CD38: variants seen among roughly 807,000 people sequenced by gnomAD.
CD38 encodes the protein ADP-ribosyl cyclase/cyclic ADP-ribose hydrolase 1.
A neutral mutation model predicts 36.3 loss-of-function variants in CD38; 31 were observed. That is an observed-to-expected ratio of 0.85 (90% CI 0.64 to 1.15). CD38 has a LOEUF of 1.15. Ranked by LOEUF, CD38 falls within the 50% of genes most tolerant of loss-of-function variation. The pLI is 0.00. For synonymous variants in CD38, 131 were observed against 135.2 expected (o/e 0.97, Z 0.22); for missense variants, 380 against 371.9 (o/e 1.02, Z -0.18).
intron 5 of CD38, among the ~76,000 whole-genome samples, chr4:15,839,415 C>CTTTTT (rs560134404): frequency 3.1e-4 from 27 of 88,066 alleles, no homozygotes; most frequent in African/African-American, 6.5e-4. Context: ...TTCTACATTT[C>CTTTTT]TTTTTTTTTT....
intron 2 of CD38, among the ~76,000 whole-genome samples, chr4:15,820,474 A>C (rs888792348): frequency 2.0e-4 from 30 of 152,222 alleles, no homozygotes; most frequent in African/African-American, 7.0e-4. Context: ...ACATAGGCTC[A>C]AAATAAGGGA....
Position 15,778,412 on chromosome 4 carries a change from C to T in CD38, c.-3C>T, listed in dbSNP as rs1286449713. ...TCGCCCAGCCAACCCCGCCTGGAGC[C>T]CTATGGCCAACTGCGAGTTCAGCCC... On this transcript the variant is annotated 5_prime_UTR_variant, in exon 1 of 8. Transcript: ENST00000226279. This position sits in a 1 kb window ranked among gnomAD's most constrained non-coding sequence, Gnocchi z 4.9. 1 of 1,611,642 alleles carries T rather than the reference C, an allele frequency of 6.2e-7. No homozygotes were observed. The highest frequency in any genetic ancestry group is 2.2e-5 in the East Asian group (1 of 44,838).
Position 15,852,831 on chromosome 4 carries a change from A to G in CD38, c.*4229A>G. 1.6e-5 allele frequency: 1 copy of G among 61,482 alleles called. No individual in the cohort carries two copies. Among genetic ancestry groups the G allele is most frequent in the Non-Finnish European group, 3.3e-5 (1 of 30,260 alleles). 3.8% of individuals were successfully genotyped at this position (61,482 alleles called of 1,614,324 possible). ...ATTCTTTTTTTTTTTTTTTTTTGGG[A>G]GACGGAGTCTCGCTGTCGCCCAGGC... On this transcript the variant is annotated 3_prime_UTR_variant, in exon 8 of 8. Coordinates refer to ENST00000226279, the MANE Select transcript of CD38 (RefSeq NM_001775.4).
chr4:15,838,758 C>T (rs1262713770), intron 5 of CD38, among the ~76,000 whole-genome samples: 4 of 152,156 alleles, frequency 2.6e-5, no homozygotes. Flanking sequence ...TGACCTCAGG[C>T]AGGGCAGTCA....
chr4:15,834,889 T>G (rs1724033059), intron 4 of CD38, among the ~76,000 whole-genome samples: 1 of 151,258 alleles, frequency 6.6e-6, no homozygotes, highest in South Asian at 2.1e-4. Context: ...CTCCACCCTC[T>G]ACCTATTTTT....
intron 1 of CD38, among the ~76,000 whole-genome samples, chr4:15,780,554 AC>A (rs1722674933): frequency 6.6e-6 from 1 of 150,656 alleles, no homozygotes; most frequent in Non-Finnish European, 1.5e-5. Flanking sequence ...ACACACACAC[AC>A]ACACACACAC....
At chr4:15,838,372 C>G (rs1200248834) in intron 5 of CD38, among the ~76,000 whole-genome samples, 1 of 152,078 alleles carries the variant, frequency 6.6e-6, no homozygotes, top group Non-Finnish European at 1.5e-5. Context: ...AATTGTCTAC[C>G]AGGTTCTAAT....
At chr4:15,787,459 G>A (rs1261862049) in intron 1 of CD38, among the ~76,000 whole-genome samples, 1 of 152,220 alleles carries the variant, frequency 6.6e-6, no homozygotes, top group East Asian at 1.9e-4. Flanking sequence ...GCTATTTAAT[G>A]TTGAGCCCTC....
intron 2 of CD38, among the ~76,000 whole-genome samples, chr4:15,823,922 G>C (rs557583205): frequency 6.6e-6 from 1 of 152,252 alleles, no homozygotes; most frequent in South Asian, 2.1e-4. Context: ...TCAGTGATAG[G>C]CTGGATAAAG....
rs774746433 is a variant in CD38 at position 15,851,609 on chromosome 4, T to C, written c.*3007T>C. Reference sequence around the variant, plus strand: ...AGTCCTTTGATTTCAGACTGAATACTTGAAAGGACACACACACACATACGT... The same window carrying C: ...AGTCCTTTGATTTCAGACTGAATACCTGAAAGGACACACACACACATACGT... On this transcript the variant is annotated 3_prime_UTR_variant, in exon 8 of 8. Transcript: ENST00000226279. 6.6e-6 allele frequency: 1 copy of C among 152,170 alleles called. No individual in the cohort carries two copies. Among genetic ancestry groups the C allele is most frequent in the Non-Finnish European group, 1.5e-5 (1 of 68,020 alleles). 9.4% of individuals were successfully genotyped at this position (152,170 alleles called of 1,614,324 possible). A position where few individuals can be genotyped will look rare whatever the true frequency, so the allele number is the denominator to read the frequency against.
chr4:15,780,822 A>G (rs2148912377), intron 1 of CD38, among the ~76,000 whole-genome samples: 1 of 152,302 alleles, frequency 6.6e-6, no homozygotes, highest in East Asian at 1.9e-4. Flanking sequence ...AAAAGAAGTG[A>G]GTTGGGCCAG....
rs1316800434 is a variant in CD38, at chr4:15,778,572, C to A, written c.158C>A (p.Pro53Gln). The A allele has an allele frequency of 1.4e-5, 22 of 1,613,446 alleles. No homozygotes were observed. Among genetic ancestry groups the A allele is most frequent in the Non-Finnish European group, 1.9e-5 (22 of 1,180,002 alleles). The change falls in exon 1 of 8, where the codon CCG (proline) becomes CAG (glutamine). Residue 53 changes from proline to glutamine, a missense_variant. By Grantham distance (76) the Pro-to-Gln change is moderately conservative (BLOSUM62 -1). Coordinates refer to ENST00000226279, the MANE Select transcript of CD38 (RefSeq NM_001775.4). The surrounding 1 kb of genome is among the most constrained non-coding windows in gnomAD (Gnocchi z 4.9). ...AGGTGGCGCCAGCAGTGGAGCGGTC[C>A]GGGCACCACCAAGCGCTTTCCCGAG... The part of the protein sequence containing the change: ...VPRWRQQWSG[P>Q]GTTKRFPETV...
intron 1 of CD38, among the ~76,000 whole-genome samples, chr4:15,800,285 C>T (rs916073273): frequency 6.6e-5 from 10 of 152,206 alleles, no homozygotes; most frequent in African/African-American, 2.4e-4. Context: ...TTAATTCTTA[C>T]ACATACTGTT....
chr4:15,795,539 A>G (rs1723088522), intron 1 of CD38, among the ~76,000 whole-genome samples: 1 of 152,158 alleles, frequency 6.6e-6, no homozygotes, highest in Non-Finnish European at 1.5e-5. Flanking sequence ...ATACAAAAAT[A>G]TAGAAAAGAA....
Position 15,849,248 on chromosome 4 carries a change from A to C in CD38, c.*646A>C, listed in dbSNP as rs1724335148. 6.6e-6 allele frequency: 1 copy of C among 152,204 alleles called. No individual in the cohort carries two copies. The highest frequency in any genetic ancestry group is 2.4e-5 in the African/African-American group (1 of 41,456). The allele number at this position is 152,204 out of a possible 1,614,324, so 9.4% of individuals were successfully genotyped here. On this transcript the variant is annotated 3_prime_UTR_variant, in exon 8 of 8. Transcript: ENST00000226279. Reference sequence around the variant, plus strand: ...TTAAGTTGGTGCAAAAGTAATTGCAAGTTTTGCCACCGAAAGGAATGGCAA... The same window carrying C: ...TTAAGTTGGTGCAAAAGTAATTGCACGTTTTGCCACCGAAAGGAATGGCAA...
In CD38 at chr4:15,817,046, T is replaced by C. The variant is rs766091222; in HGVS notation, c.363+406T>C. Among the ~76,000 whole-genome samples, 13 of 152,354 alleles carry C rather than the reference T, an allele frequency of 8.5e-5. No homozygotes were observed. The South Asian group carries it at 1.7e-3, about 19-fold the overall frequency. ...TACACTTGCAGACTGCTTCTTCTTT[T>C]TCTTGCTTACAAAAGACTCTCCTAA... On this transcript the variant is annotated intron_variant, in intron 2 of 7. Transcript: ENST00000226279.
At chr4:15,837,379 A>G (rs1000722191) in intron 4 of CD38, among the ~76,000 whole-genome samples, 7 of 151,992 alleles carry the variant, frequency 4.6e-5, no homozygotes, top group African/African-American at 1.7e-4. Context: ...GGTAGGTTAA[A>G]CTCATCATTA....
rs375909727 is a variant in CD38, at chr4:15,816,626, G to A, written c.349G>A (p.Val117Ile). Residue 117 changes from valine to isoleucine, a missense_variant, in exon 2 of 8, where the codon GTA (valine) becomes ATA (isoleucine). Physicochemically the swap from Val to Ile is conservative, Grantham distance 29. Transcript: ENST00000226279. ...ACTAATGAAGTTGGGAACTCAGACC[G>A]TACCTTGCAACAAGGTAATTGGGGG... ...QPLMKLGTQT[V>I]PCNKILLWSR... 13 of 1,613,524 alleles carry A rather than the reference G, an allele frequency of 8.1e-6. No homozygotes were observed. The highest frequency in any genetic ancestry group is 1.7e-5 in the Admixed American group (1 of 59,988).
chr4:15,785,003 C>G (rs1245182054), intron 1 of CD38, among the ~76,000 whole-genome samples: 1 of 151,818 alleles, frequency 6.6e-6, no homozygotes, highest in Non-Finnish European at 1.5e-5. Flanking sequence ...TTGCAATGAG[C>G]TGAGCTCACG....
Sources: gnomAD v4.1 joint callset for allele counts (sites outside exome capture counted in the v4.1 genomes callset) on GRCh38, gnomAD v4.1.1 for gene constraint, Gnocchi (gnomAD v3.1) non-coding constraint, MANE v1.5 for transcripts, NCBI Gene and HGNC (gene_info 2026-07-23, HGNC 2026-07-21) for gene names.